Variants in CELA2A observed in about 807,000 individuals in gnomAD.
CELA2A encodes the protein chymotrypsin-like elastase family member 2A.
CELA2A carries 31 observed loss-of-function variants against 35.3 expected under a neutral mutation model. The ratio of observed to expected loss-of-function variants is 0.88; its 90% confidence interval spans 0.66 to 1.19. The LOEUF (loss-of-function observed/expected upper bound fraction) is 1.19. Ranked by LOEUF, CELA2A falls within the 50% of genes most tolerant of loss-of-function variation. The pLI is 0.00. For synonymous variants in CELA2A, 150 were observed against 149.8 expected, an observed-to-expected ratio of 1.00 and a Z score of -0.01; for missense variants, 330 against 352.9, an observed-to-expected ratio of 0.94 and a Z score of 0.52.
At chr1:15,467,712 A>G (rs577661942) in intron 7 of CELA2A, among the ~76,000 whole-genome samples, 174 bp downstream of exon 7, 2 of 152,234 alleles carry the variant, frequency 1.3e-5, no homozygotes, top group East Asian at 1.9e-4. Context: ...GGGTCCCCCA[A>G]ATTTCTGTGT....
At chr1:15,469,812 G>C (rs188786002) in intron 7 of CELA2A, among the ~76,000 whole-genome samples, 2 of 152,182 alleles carry the variant, frequency 1.3e-5, no homozygotes, top group African/African-American at 4.8e-5. Context: ...CTGACTGGAC[G>C]AGAGGCTGCT....
Position 15,461,649 on chromosome 1 carries a change from A to G in CELA2A, c.218A>G (p.His73Arg), listed in dbSNP as rs771690549. ...AACAGCTGGGTCCTGACGGCTGCCC[A>G]CTGCATCAGGTAACTGCCTTTCCCT... Reference protein sequence around the residue: ...IANSWVLTAAHCISSSRTYRV... With the variant: ...IANSWVLTAARCISSSRTYRV... Residue 73 changes from histidine to arginine, a missense_variant, in exon 3 of 8, where the codon CAC (histidine) becomes CGC (arginine). His to Arg is a conservative substitution (Grantham distance 29). Coordinates refer to ENST00000359621, the MANE Select transcript of CELA2A (RefSeq NM_033440.3). 3 of 1,613,924 alleles carry G rather than the reference A, an allele frequency of 1.9e-6. No individual in the cohort carries two copies. The highest frequency in any genetic ancestry group is 1.7e-4 in the Middle Eastern group (1 of 5,820).
At chr1:15,461,363 G>T (rs1178001186) in intron 2 of CELA2A, among the ~76,000 whole-genome samples, 198 bp from the exon 3 acceptor site, 2 of 152,156 alleles carry the variant, frequency 1.3e-5, no homozygotes, top group Non-Finnish European at 2.9e-5. Flanking sequence ...TGCCTGGCCT[G>T]ATTGTTTTTC....
In CELA2A at chr1:15,466,007, G is replaced by T. The variant is rs762012352; in HGVS notation, c.502G>T (p.Ala168Ser). 2.5e-6 allele frequency: 4 copies of T among 1,614,040 alleles called. No individual in the cohort carries two copies. In the African/African-American group the frequency reaches 5.3e-5, roughly 22 times the overall value. Residue 168 changes from alanine (A) to serine (S), a missense_variant, in exon 6 of 8, where the codon GCT (alanine) becomes TCT (serine). By Grantham distance (99) the Ala-to-Ser change is moderately conservative. Transcript: ENST00000359621. Reference sequence around the variant, plus strand: ...TCTCTGATCTCATTCAGCCAACGGGGCTGTTCCTGATGTCCTGCAGCAGGG... The same window carrying T: ...TCTCTGATCTCATTCAGCCAACGGGTCTGTTCCTGATGTCCTGCAGCAGGG... Reference protein sequence around the residue: ...TGWGRLQTNGAVPDVLQQGRL... With the variant: ...TGWGRLQTNGSVPDVLQQGRL...
chr1:15,470,948 T>A (rs1259964313), intron 7 of CELA2A, among the ~76,000 whole-genome samples: 2 of 152,220 alleles, frequency 1.3e-5, no homozygotes, highest in East Asian at 3.8e-4. Context: ...TATATTTACG[T>A]AGATAGACAC....
At chr1:15,467,652 G>C in intron 7 of CELA2A, 114 bp downstream of exon 7, 1 of 1,336,182 alleles carries the variant, frequency 7.5e-7, no homozygotes, top group Non-Finnish European at 1.0e-6. Flanking sequence ...GAGCTAGATG[G>C]GAACCCCTTG....
intron 3 of CELA2A, among the ~76,000 whole-genome samples, chr1:15,462,457 CT>C (rs1434669448): frequency 6.6e-6 from 1 of 152,208 alleles, no homozygotes; most frequent in Non-Finnish European, 1.5e-5. Context: ...CTGTGTTCAT[CT>C]CATTCCCTCC....
chr1:15,463,369 C>A lies in CELA2A; in HGVS notation c.357-17C>A. The A allele has an allele frequency of 6.2e-7, 1 of 1,613,404 alleles. No homozygotes were observed. Among genetic ancestry groups the A allele is most frequent in the Non-Finnish European group, 8.5e-7 (1 of 1,179,846 alleles). ...AAGTCAACCCGGTCCTCATGCTTCGCCTCCACACTCACCCAGGAACGACAT... is the reference window on the plus strand; with the variant it reads ...AAGTCAACCCGGTCCTCATGCTTCGACTCCACACTCACCCAGGAACGACAT... On this transcript the variant is annotated splice_polypyrimidine_tract_variant and intron_variant, in intron 4 of 7. Coordinates refer to ENST00000359621, the MANE Select transcript of CELA2A (RefSeq NM_033440.3).
intron 7 of CELA2A, 33 bp from the exon 8 acceptor site, chr1:15,471,957 G>A (rs1256549849): frequency 4.3e-6 from 7 of 1,613,930 alleles, no homozygotes; most frequent in South Asian, 3.3e-5. Context: ...CTGCGGTTAG[G>A]TGAACCTGAC....
intron 6 of CELA2A, among the ~76,000 whole-genome samples, chr1:15,466,352 A>C (rs1448629683): frequency 2.0e-5 from 3 of 152,140 alleles, no homozygotes; most frequent in African/African-American, 7.2e-5. Context: ...ACTTGAGGTC[A>C]GCAGTTCAAG....
At chr1:15,458,638 C>T (rs1441649266) in intron 2 of CELA2A, among the ~76,000 whole-genome samples, 6 of 151,992 alleles carry the variant, frequency 3.9e-5, no homozygotes, top group South Asian at 2.1e-4. Context: ...ATAGGCCAGG[C>T]GTGGTGGCTC....
Position 15,457,200 on chromosome 1 carries a change from C to T in CELA2A, c.129+26C>T, listed in dbSNP as rs753130385. ...GTGAGTTGACCACACTGTACTTCTC[C>T]CCGTCCCTGCCCCACTCCCTTTACA... On this transcript the variant is annotated intron_variant, in intron 2 of 7. Coordinates refer to ENST00000359621, the MANE Select transcript of CELA2A (RefSeq NM_033440.3). 3.1e-6 allele frequency: 5 copies of T among 1,603,592 alleles called. No homozygotes were observed. The African/African-American group carries it at 5.4e-5, about 17-fold the overall frequency.
chr1:15,469,587 C>A (rs74054732), intron 7 of CELA2A, among the ~76,000 whole-genome samples: 5 of 152,128 alleles, frequency 3.3e-5, no homozygotes, highest in Non-Finnish European at 7.3e-5. Context: ...TGATTCTTGC[C>A]AGATCCTTGT....
At chr1:15,458,038 T>C (rs1316956281) in intron 2 of CELA2A, among the ~76,000 whole-genome samples, 1 of 152,186 alleles carries the variant, frequency 6.6e-6, no homozygotes, top group Admixed American at 6.5e-5. Context: ...ACAAATATAG[T>C]GAAATCTCAT....
intron 2 of CELA2A, among the ~76,000 whole-genome samples, chr1:15,458,420 T>C (rs537363184): frequency 6.6e-6 from 1 of 152,190 alleles, no homozygotes; most frequent in South Asian, 2.1e-4. Context: ...TGGTTACATG[T>C]TTAATCAAAT....
In CELA2A at chr1:15,457,103, C is replaced by T. The variant is rs1405238711; in HGVS notation, c.58C>T (p.Pro20Ser). The change falls in exon 2 of 8, where the codon CCC becomes TCC. Residue 20 changes from proline (P) to serine (S), a missense_variant. Coordinates refer to ENST00000359621, the MANE Select transcript of CELA2A (RefSeq NM_033440.3). Reference protein sequence around the residue: ...LVAGALSCGDPTYPPYVTRVV... With the variant: ...LVAGALSCGDSTYPPYVTRVV... Reference sequence around the variant, plus strand: ...TTTCACAGCCCTCAGTTGTGGGGACCCCACTTACCCACCTTATGTGACTAG... The same window carrying T: ...TTTCACAGCCCTCAGTTGTGGGGACTCCACTTACCCACCTTATGTGACTAG... 1.2e-6 allele frequency: 2 copies of T among 1,613,964 alleles called. No individual in the cohort carries two copies. The highest frequency in any genetic ancestry group is 1.3e-5 in the African/African-American group (1 of 74,892).
chr1:15,465,802 G>C, intron 5 of CELA2A, 197 bp from the exon 6 acceptor site: 1 of 618,792 alleles, frequency 1.6e-6, no homozygotes, highest in Admixed American at 2.5e-5. Flanking sequence ...CCCAGGGGAG[G>C]GAGCTCATTG....
chr1:15,463,869 T>C (rs112517481), intron 5 of CELA2A, among the ~76,000 whole-genome samples: 14,912 of 150,710 alleles, frequency 0.099, 1,028 homozygotes, highest in African/African-American at 0.19. Context: ...ACGGAGAAAC[T>C]CTGTCTCTAC....
intron 7 of CELA2A, among the ~76,000 whole-genome samples, chr1:15,467,814 C>A (rs10927789): frequency 1.3e-5 from 2 of 152,088 alleles, no homozygotes; most frequent in African/African-American, 4.8e-5. Flanking sequence ...TTCCGCTGGG[C>A]GCCGTGGCTC....
Sources: gnomAD v4.1 joint callset for allele counts (sites outside exome capture counted in the v4.1 genomes callset) on GRCh38, gnomAD v4.1.1 for gene constraint, MANE v1.5 for transcripts, NCBI Gene and HGNC (gene_info 2026-07-23, HGNC 2026-07-21) for gene names.